Variants in CHLSN observed in about 807,000 individuals in gnomAD.
CHLSN encodes the protein protein cholesin.
the CHLSN span, among the ~76,000 whole-genome samples, chr7:1,101,925 G>A: frequency 6.6e-6 from 1 of 152,256 alleles, no homozygotes; most frequent in Non-Finnish European, 1.5e-5. Flanking sequence ...CTGCTCTCTG[G>A]TTCAAGAGGC....
the CHLSN span, among the ~76,000 whole-genome samples, chr7:985,652 CCTGA>C: frequency 6.6e-6 from 1 of 152,198 alleles, no homozygotes; most frequent in Non-Finnish European, 1.5e-5. Context: ...CCCCCCAAGC[CCTGA>C]CAGTCCAGGC....
chr7:1,057,998 C>T, the CHLSN span: 1 of 770,124 alleles, frequency 1.3e-6, no homozygotes, highest in African/African-American at 1.7e-5. Flanking sequence ...CCAGCTTCTC[C>T]TCGCTGCTCT....
At chr7:1,041,800 C>T in the CHLSN span, among the ~76,000 whole-genome samples, 5 of 152,108 alleles carry the variant, frequency 3.3e-5, no homozygotes, top group Non-Finnish European at 2.9e-5. Flanking sequence ...CACCACTCCC[C>T]GCCCCCCCGA....
At chr7:1,061,735 T>G in the CHLSN span, among the ~76,000 whole-genome samples, 4 of 152,086 alleles carry the variant, frequency 2.6e-5, no homozygotes, top group African/African-American at 9.7e-5. Flanking sequence ...AAGGTAGTCA[T>G]CTGCCCAACT....
the CHLSN span, among the ~76,000 whole-genome samples, chr7:1,044,842 C>T: frequency 6.6e-6 from 1 of 152,246 alleles, no homozygotes; most frequent in Non-Finnish European, 1.5e-5. Context: ...CCGCTGTCCT[C>T]CGGCCGCGCT....
chr7:1,084,923 G>C, the CHLSN span, among the ~76,000 whole-genome samples: 3 of 152,248 alleles, frequency 2.0e-5, no homozygotes, highest in Admixed American at 2.0e-4. Context: ...GAGAGGACTG[G>C]GGATGGGACA....
chr7:1,117,595 C>T, the CHLSN span, among the ~76,000 whole-genome samples: 6 of 136,312 alleles, frequency 4.4e-5, no homozygotes, highest in South Asian at 2.3e-4. Context: ...CTCTATGGAC[C>T]GGCTTCCATC....
chr7:1,051,893 G>A, the CHLSN span, among the ~76,000 whole-genome samples: 1 of 152,194 alleles, frequency 6.6e-6, no homozygotes, highest in Non-Finnish European at 1.5e-5. Context: ...TGGGAGGATC[G>A]CTTGAGCCCA....
At chr7:1,050,898 G>A in the CHLSN span, among the ~76,000 whole-genome samples, 1 of 152,196 alleles carries the variant, frequency 6.6e-6, no homozygotes, top group Non-Finnish European at 1.5e-5. Context: ...CTCTACCCCT[G>A]TCCTTCCCAG....
chr7:1,136,389 C>T, the CHLSN span, among the ~76,000 whole-genome samples: 1,591 of 97,190 alleles, frequency 0.016, 93 homozygotes, highest in East Asian at 0.13. Context: ...AATATATAAA[C>T]ATATATATAA....
the CHLSN span, chr7:1,093,144 C>T: frequency 1.6e-6 from 1 of 619,062 alleles, no homozygotes; most frequent in Admixed American, 2.1e-5. Flanking sequence ...TCCTCCCCGC[C>T]AACCCTGCCT....
chr7:1,006,801 T>C, the CHLSN span, among the ~76,000 whole-genome samples: 9 of 149,852 alleles, frequency 6.0e-5, no homozygotes, highest in East Asian at 2.0e-4. Context: ...AAAGAGCGCA[T>C]GACGGCCACA....
the CHLSN span, chr7:988,978 G>A: frequency 3.6e-5 from 21 of 580,444 alleles, no homozygotes; most frequent in African/African-American, 1.2e-4. Flanking sequence ...AACTGCTTCC[G>A]GTTACACCCA....
chr7:1,058,064 C>T, the CHLSN span: 248 of 768,036 alleles, frequency 3.2e-4, no homozygotes, highest in Non-Finnish European at 4.7e-4. Context: ...AGATGCAGAA[C>T]GCAGAAGCTG....
At chr7:1,027,528 C>A in the CHLSN span, among the ~76,000 whole-genome samples, 1 of 152,286 alleles carries the variant, frequency 6.6e-6, no homozygotes, top group Non-Finnish European at 1.5e-5. Context: ...CCAACCCAAA[C>A]CCGGCTGAGC....
chr7:982,550 T>C, the CHLSN span, among the ~76,000 whole-genome samples: 2 of 152,228 alleles, frequency 1.3e-5, no homozygotes, highest in East Asian at 3.8e-4. Context: ...CTCAGAGGGT[T>C]GCATCCCCTG....
At chr7:984,675 C>A in the CHLSN span, 1 of 1,466,092 alleles carries the variant, frequency 6.8e-7, no homozygotes. Flanking sequence ...CCAGGGTGGC[C>A]TGGGGAAGAG....
chr7:1,028,403 G>A, the CHLSN span: 1 of 986,878 alleles, frequency 1.0e-6, no homozygotes, highest in South Asian at 4.6e-5. Context: ...GCTGGAACCA[G>A]ATCCAGCCGG....
chr7:987,433 GCC>G, the CHLSN span: 3 of 1,591,198 alleles, frequency 1.9e-6, no homozygotes, highest in Non-Finnish European at 2.6e-6. Context: ...CTACACAAGC[GCC>G]GTGCTCCACG....
Sources: gnomAD v4.1 joint callset for allele counts (sites outside exome capture counted in the v4.1 genomes callset) on GRCh38, gnomAD v4.1.1 for gene constraint, MANE v1.5 for transcripts, NCBI Gene and HGNC (gene_info 2026-07-23, HGNC 2026-07-21) for gene names.